Variants in ADAM12 observed in about 807,000 individuals in gnomAD.
The protein encoded by ADAM12 is disintegrin and metalloproteinase domain-containing protein 12.
Under a neutral mutation model 106.4 loss-of-function variants are expected in ADAM12, and 70 were observed. The ratio of observed to expected loss-of-function variants is 0.66; its 90% CI spans 0.54 to 0.80. The LOEUF (loss-of-function observed/expected upper bound fraction) is 0.80. Among genes scored for constraint, ADAM12 ranks in the 30% least tolerant of loss-of-function variants. The pLI, the probability that ADAM12 is intolerant of heterozygous loss-of-function variation, is 0.00. For synonymous variants in ADAM12, 420 were observed against 433.5 expected (o/e 0.97, Z 0.39); for missense variants, 1,010 against 1,171.9 (o/e 0.86, Z 2.02).
intron 4 of ADAM12, among the ~76,000 whole-genome samples, chr10:126,143,098 T>C (rs557410692): frequency 1.3e-5 from 2 of 151,988 alleles, no homozygotes; most frequent in South Asian, 2.1e-4. Context: ...TGTACGTGTG[T>C]ATATGGTGTG....
intron 7 of ADAM12, among the ~76,000 whole-genome samples, chr10:126,109,230 A>G (rs1167813497): frequency 6.6e-6 from 1 of 152,214 alleles, no homozygotes; most frequent in African/African-American, 2.4e-5. Flanking sequence ...ATATCACCCA[A>G]TCACCCAATT....
chr10:126,317,512 A>G (rs1853923278), intron 2 of ADAM12, among the ~76,000 whole-genome samples: 1 of 152,218 alleles, frequency 6.6e-6, no homozygotes, highest in African/African-American at 2.4e-5. Flanking sequence ...TTTAATTTCA[A>G]GTAATTAGCA....
rs185569588 is a variant in ADAM12 at position 126,190,501 on chromosome 10, C to T, written c.261-35196G>A. On this transcript the variant is annotated intron_variant, in intron 3 of 22. Coordinates refer to ENST00000448723, the MANE Select transcript of ADAM12 (RefSeq NM_001288973.2). Reference sequence around the variant, plus strand: ...GATTACAGGCATGAGACACCACACCCGGCCCCAATTCATTCATTTAGCAAA... The same window carrying T: ...GATTACAGGCATGAGACACCACACCTGGCCCCAATTCATTCATTTAGCAAA... Among the ~76,000 whole-genome samples, 65 of 152,204 alleles carry T rather than the reference C, an allele frequency of 4.3e-4. No homozygotes were observed. In the East Asian group the frequency reaches 0.011, roughly 26 times the overall value.
intron 3 of ADAM12, among the ~76,000 whole-genome samples, chr10:126,182,414 C>CA (rs58753119): frequency 0.15 from 21,942 of 150,134 alleles, 1,730 homozygotes; most frequent in East Asian, 0.35. Context: ...AACAAACAAA[C>CA]AAAAAAAACA....
chr10:126,100,954 T>C, intron 9 of ADAM12, 118 bp downstream of exon 9: 1 of 1,103,908 alleles, frequency 9.1e-7, no homozygotes, highest in Non-Finnish European at 1.3e-6. Flanking sequence ...GAAGCCCCCT[T>C]GCACAAGGCA....
chr10:126,073,234 G>A (rs1955034186), intron 11 of ADAM12, among the ~76,000 whole-genome samples: 2 of 152,028 alleles, frequency 1.3e-5, no homozygotes, highest in African/African-American at 4.8e-5. Context: ...GATTACAGGC[G>A]CCCACCACCA....
At chr10:126,100,211 T>A (rs891506033) in intron 9 of ADAM12, among the ~76,000 whole-genome samples, 2 of 152,126 alleles carry the variant, frequency 1.3e-5, no homozygotes, top group Non-Finnish European at 2.9e-5. Flanking sequence ...TGATGCATAT[T>A]GATTTAAAGA....
chr10:126,155,031 T>C (rs1466357), intron 4 of ADAM12, among the ~76,000 whole-genome samples, 196 bp downstream of exon 4: 66,929 of 151,950 alleles, frequency 0.44, 15,345 homozygotes, highest in East Asian at 0.77. Flanking sequence ...AGGGGCTGTC[T>C]GTGCACATAC....
chr10:126,286,999 C>T (rs1959896724), intron 2 of ADAM12, among the ~76,000 whole-genome samples: 1 of 152,324 alleles, frequency 6.6e-6, no homozygotes, highest in East Asian at 1.9e-4. Flanking sequence ...TTGCTTCTCC[C>T]TCCCTGCAGG....
intron 6 of ADAM12, among the ~76,000 whole-genome samples, chr10:126,117,771 T>G (rs1158022828): frequency 1.4e-4 from 19 of 135,098 alleles, no homozygotes; most frequent in African/African-American, 5.1e-4. Context: ...GGGGGCGTAA[T>G]TTTGTCATCC....
At chr10:126,366,879 T>C (rs1171983165) in intron 1 of ADAM12, among the ~76,000 whole-genome samples, 3 of 152,068 alleles carry the variant, frequency 2.0e-5, no homozygotes, top group Non-Finnish European at 2.9e-5. Flanking sequence ...CAAGAAGACA[T>C]AACAATCCTA....
At chr10:126,111,871 C>G (rs1430597155) in intron 6 of ADAM12, among the ~76,000 whole-genome samples, 1 of 152,080 alleles carries the variant, frequency 6.6e-6, no homozygotes, top group Non-Finnish European at 1.5e-5. Flanking sequence ...TTTACATTAT[C>G]CCCACGTGAT....
At chr10:126,155,689 C>T (rs897417021) in intron 3 of ADAM12, among the ~76,000 whole-genome samples, 3 of 152,322 alleles carry the variant, frequency 2.0e-5, no homozygotes, top group South Asian at 4.1e-4. Flanking sequence ...AAATCTCCTG[C>T]TTGGAAGTCA....
intron 11 of ADAM12, among the ~76,000 whole-genome samples, chr10:126,080,104 G>A (rs544678816): frequency 2.0e-5 from 3 of 152,212 alleles, no homozygotes; most frequent in African/African-American, 7.2e-5. Flanking sequence ...GTTGTGAACA[G>A]AGTGATGTTT....
At chr10:126,104,109 CAGG>C (rs1310980633) in intron 8 of ADAM12, among the ~76,000 whole-genome samples, 1 of 152,150 alleles carries the variant, frequency 6.6e-6, no homozygotes, top group African/African-American at 2.4e-5. Flanking sequence ...TGGTTTGGGA[CAGG>C]AGGAGAAGAA....
At chr10:126,050,370 C>G (rs1954449568) in intron 14 of ADAM12, among the ~76,000 whole-genome samples, 1 of 152,210 alleles carries the variant, frequency 6.6e-6, no homozygotes, top group African/African-American at 2.4e-5. Flanking sequence ...ATATAATCAG[C>G]ATTTGCAGCC....
At chr10:126,270,083 T>C (rs1233356359) in intron 3 of ADAM12, among the ~76,000 whole-genome samples, 1 of 152,230 alleles carries the variant, frequency 6.6e-6, no homozygotes, top group East Asian at 1.9e-4. Context: ...TTGAGAGATT[T>C]TAACTTAAAT....
chr10:126,342,352 A>G (rs1854960960), intron 1 of ADAM12, among the ~76,000 whole-genome samples: 1 of 152,252 alleles, frequency 6.6e-6, no homozygotes, highest in Admixed American at 6.5e-5. Flanking sequence ...ATCATAATTT[A>G]AATAGTCAAA....
intron 1 of ADAM12, among the ~76,000 whole-genome samples, chr10:126,385,950 G>A (rs1466448825): frequency 1.3e-5 from 2 of 152,176 alleles, no homozygotes; most frequent in African/African-American, 2.4e-5. Context: ...CAGTAGGCCC[G>A]TTGGGTAAGA....
Sources: gnomAD v4.1 joint callset for allele counts (sites outside exome capture counted in the v4.1 genomes callset) on GRCh38, gnomAD v4.1.1 for gene constraint, MANE v1.5 for transcripts, NCBI Gene and HGNC (gene_info 2026-07-23, HGNC 2026-07-21) for gene names.